GMCL1: variants seen among roughly 807,000 people sequenced by gnomAD.
The protein encoded by GMCL1 is germ cell-less protein-like 1.
GMCL1 carries 54 observed loss-of-function variants against 75.5 expected under a neutral mutation model. The ratio of observed to expected loss-of-function variants is 0.71; its 90% CI spans 0.57 to 0.90. The LOEUF is 0.90. Among genes scored for constraint, GMCL1 ranks in the 40% least tolerant of loss-of-function variants. The probability of loss-of-function intolerance (pLI) is 0.00; values close to 1 mark genes in which losing one functional copy is unlikely to be tolerated. For missense variants in GMCL1, 537 were observed against 622.7 expected (o/e 0.86, Z 1.47); for synonymous variants, 210 against 209.6 (o/e 1.00, Z -0.02).
At chr2:69,852,007 A>G (rs535408763) in intron 8 of GMCL1, among the ~76,000 whole-genome samples, 1 of 152,188 alleles carries the variant, frequency 6.6e-6, no homozygotes, top group Non-Finnish European at 1.5e-5. Context: ...CTTAAATTAT[A>G]CTTTTGTGTT....
rs1468970318 is a variant in GMCL1 at position 69,829,871 on chromosome 2, A to C, written c.-22A>C. The C allele has an allele frequency of 8.4e-5, 130 of 1,555,538 alleles. No individual in the cohort carries two copies. In the Admixed American group the frequency reaches 2.4e-3, roughly 29 times the overall value. ...GAGACCCCCTTCTCTGGGCTCCCTG[A>C]AGTCTCGGGGAGCCGTGACCCATGG... On this transcript the variant is annotated 5_prime_UTR_variant, in exon 1 of 14. It removes the in-frame stop codon of an upstream open reading frame in the 5' UTR. Coordinates refer to ENST00000282570, the MANE Select transcript of GMCL1 (RefSeq NM_178439.5).
chr2:69,836,230 C>G (rs1012446597), intron 1 of GMCL1, among the ~76,000 whole-genome samples: 2 of 152,164 alleles, frequency 1.3e-5, no homozygotes, highest in African/African-American at 4.8e-5. Flanking sequence ...TGTCACTGTT[C>G]TTTTTCATTT....
At chr2:69,868,578 C>A (rs1046712310) in intron 11 of GMCL1, among the ~76,000 whole-genome samples, 3 of 148,934 alleles carry the variant, frequency 2.0e-5, no homozygotes, top group African/African-American at 7.4e-5. Flanking sequence ...TTTTTTTATT[C>A]TTTTTTGTAT....
At chr2:69,847,447 AT>A in intron 6 of GMCL1, 95 bp from the exon 7 acceptor site, 1 of 797,298 alleles carries the variant, frequency 1.3e-6, no homozygotes. Flanking sequence ...AATTCCACAT[AT>A]TTTTTTACAA....
intron 11 of GMCL1, among the ~76,000 whole-genome samples, chr2:69,868,692 C>T (rs1299724005): frequency 2.0e-5 from 3 of 148,060 alleles, no homozygotes; most frequent in Non-Finnish European, 4.5e-5. Context: ...GGATTACAGG[C>T]GTGAGCCACC....
chr2:69,843,754 G>A (rs1675051543), intron 5 of GMCL1, among the ~76,000 whole-genome samples: 1 of 152,186 alleles, frequency 6.6e-6, no homozygotes, highest in African/African-American at 2.4e-5. Context: ...TCATGCCACT[G>A]CACTTTATAG....
At position 69,843,213 on chromosome 2, in the gene GMCL1, GC is replaced by G; in HGVS notation, c.645del (p.Tyr216IlefsTer10). ...ACAGTTAATGTGAAAACTGTATGTG[GC>G]TATTACACATCAGCAGGGACCTATG... ...KETVNVKTVC[G>X]YYTSAGTYGL... On this transcript the variant is annotated frameshift_variant, in exon 5 of 14. Transcript: ENST00000282570. LOFTEE classifies it high-confidence loss of function. 1 of 1,611,076 alleles carries G rather than the reference GC, an allele frequency of 6.2e-7. No individual in the cohort carries two copies.
At chr2:69,866,334 C>T (rs1675817004) in intron 11 of GMCL1, among the ~76,000 whole-genome samples, 1 of 151,862 alleles carries the variant, frequency 6.6e-6, no homozygotes, top group Admixed American at 6.6e-5. Flanking sequence ...TAAATATTCC[C>T]CCCTAACTAA....
At chr2:69,840,732 A>C (rs56347203) in intron 3 of GMCL1, among the ~76,000 whole-genome samples, 12,530 of 152,258 alleles carry the variant, frequency 0.082, 1,769 homozygotes, top group African/African-American at 0.29. Flanking sequence ...GGTAGAATAA[A>C]CAGAAATTTA....
chr2:69,862,120 G>T (rs1415321941), intron 10 of GMCL1, among the ~76,000 whole-genome samples: 1 of 152,164 alleles, frequency 6.6e-6, no homozygotes, highest in Non-Finnish European at 1.5e-5. Context: ...TTAAAGGAAA[G>T]ATTATTATAG....
intron 1 of GMCL1, among the ~76,000 whole-genome samples, chr2:69,835,088 GTCT>G (rs1558535962): frequency 2.0e-5 from 3 of 151,988 alleles, no homozygotes; most frequent in South Asian, 2.1e-4. Flanking sequence ...CAACTTCGTA[GTCT>G]TCTTACTCAA....
At chr2:69,830,272 C>T (rs904604917) in intron 1 of GMCL1, 120 bp downstream of exon 1, 1 of 1,300,070 alleles carries the variant, frequency 7.7e-7, no homozygotes, top group East Asian at 2.6e-5. Flanking sequence ...GGGGACGTGC[C>T]CTTGACAGGG....
chr2:69,864,861 T>C, intron 10 of GMCL1, 39 bp from the exon 11 acceptor site: 1 of 1,315,400 alleles, frequency 7.6e-7, no homozygotes, highest in Non-Finnish European at 1.1e-6. Context: ...ATTAGTTGCA[T>C]ATTTTCTATG....
At chr2:69,841,284 A>G (rs894399780) in intron 4 of GMCL1, among the ~76,000 whole-genome samples, 5 of 151,840 alleles carry the variant, frequency 3.3e-5, no homozygotes, top group Admixed American at 6.6e-5. Context: ...TCTTAGTATG[A>G]CTATAATGTG....
At chr2:69,854,471 C>A (rs1376811494) in intron 8 of GMCL1, among the ~76,000 whole-genome samples, 1 of 152,194 alleles carries the variant, frequency 6.6e-6, no homozygotes. Flanking sequence ...CAGAGTTTCA[C>A]TGGCCTGTTC....
chr2:69,831,272 A>G (rs1000530803), intron 1 of GMCL1, among the ~76,000 whole-genome samples: 1 of 152,216 alleles, frequency 6.6e-6, no homozygotes, highest in South Asian at 2.1e-4. Flanking sequence ...TACAAGTGTT[A>G]TATATTGTAA....
Position 69,840,961 on chromosome 2 carries a change from T to A in GMCL1, c.501T>A (p.Gly167=), listed in dbSNP as rs1674967341. The A allele has an allele frequency of 6.2e-7, 1 of 1,613,816 alleles. No individual in the cohort carries two copies. Among genetic ancestry groups the A allele is most frequent in the South Asian group, 1.1e-5 (1 of 91,046 alleles). The change falls in exon 4 of 14, where the codon GGT becomes GGA. Residue 167 remains glycine, a synonymous_variant. Transcript: ENST00000282570. The part of the protein sequence containing the change: ...IDVEALQVAF[G]SLYRDDVLIK... ...TTTCAGCACTGCAGGTTGCATTTGG[T>A]TCACTGTATCGAGATGATGTCTTGA...
chr2:69,838,178 T>G (rs147181505), intron 2 of GMCL1, among the ~76,000 whole-genome samples: 12 of 151,662 alleles, frequency 7.9e-5, no homozygotes, highest in Admixed American at 1.3e-4. Flanking sequence ...CTTTAAAAAT[T>G]CAGAACTTTC....
At chr2:69,858,404 C>T (rs963970973) in intron 9 of GMCL1, among the ~76,000 whole-genome samples, 6 of 152,166 alleles carry the variant, frequency 3.9e-5, no homozygotes, top group African/African-American at 1.4e-4. Context: ...ATTTAGTCTA[C>T]TTAGTCAAAG....
Sources: allele counts gnomAD v4.1 joint callset (sites outside exome capture counted in the v4.1 genomes callset), GRCh38; gene constraint gnomAD v4.1.1; transcripts MANE v1.5; gene names NCBI Gene and HGNC (gene_info 2026-07-23, HGNC 2026-07-21).